The following LMNB2 variants were observed in gnomAD, a reference collection of about 807,000 sequenced individuals.
LMNB2 encodes lamin-B2.
A neutral mutation model predicts 69.3 loss-of-function variants in LMNB2; 17 were observed. The observed-to-expected ratio is 0.25, with a 90% CI of 0.17 to 0.37. The LOEUF (loss-of-function observed/expected upper bound fraction) is 0.37. LMNB2 is among the 10% of genes least tolerant of loss of function. The probability of loss-of-function intolerance (pLI) is 1.00; values close to 1 mark genes in which losing one functional copy is unlikely to be tolerated. For missense variants in LMNB2, 789 were observed against 883.6 expected, an observed-to-expected ratio of 0.89 and a Z score of 1.36; for synonymous variants, 397 against 389.3, an observed-to-expected ratio of 1.02 and a Z score of -0.23.
intron 1 of LMNB2, among the ~76,000 whole-genome samples, chr19:2,449,804 C>T (rs528114372): frequency 6.7e-5 from 10 of 148,482 alleles, no homozygotes; most frequent in East Asian, 4.0e-4. Context: ...GTCTGGGCGC[C>T]GTGGCTCACG....
rs746360666 is a variant in LMNB2, at chr19:2,433,943, G to C, written c.1365C>G (p.Gly455=). 1.2e-6 allele frequency: 2 copies of C among 1,612,180 alleles called. No homozygotes were observed. The highest frequency in any genetic ancestry group is 1.7e-6 in the Non-Finnish European group (2 of 1,179,792). Residue 455 remains glycine, a synonymous_variant, in exon 8 of 12, where the codon GGC becomes GGG. Coordinates refer to ENST00000325327, the MANE Select transcript of LMNB2 (RefSeq NM_032737.4). ...GGTGGAAGCCACCGCTGCCACCCGTGCCCGTGCCCAGGACGCTTGGGCCGC... is the reference window on the plus strand; with the variant it reads ...GGTGGAAGCCACCGCTGCCACCCGTCCCCGTGCCCAGGACGCTTGGGCCGC... ...LGSGPSVLGT[G]TGGSGGFHLA...
At chr19:2,452,551 T>C (rs7254407) in intron 1 of LMNB2, among the ~76,000 whole-genome samples, 56,432 of 150,906 alleles carry the variant, frequency 0.37, 11,420 homozygotes, top group African/African-American at 0.55. Context: ...CATGGTGAAA[T>C]CCCATCTCTA....
In LMNB2 at chr19:2,453,899, C is replaced by T. The variant is rs1255417878; in HGVS notation, c.264+2771G>A. Among the ~76,000 whole-genome samples the T allele has an allele frequency of 1.3e-5, 2 of 152,198 alleles. No individual in the cohort carries two copies. The highest frequency in any genetic ancestry group is 1.3e-4 in the Admixed American group (2 of 15,280). ...GCTCTAACCCTGCACGCCACGGGTC[C>T]AGCAGGCGGCCTCTAAGTTGGGACA... On this transcript the variant is annotated intron_variant, in intron 1 of 11. Coordinates refer to ENST00000325327, the MANE Select transcript of LMNB2 (RefSeq NM_032737.4). This position sits in a 1 kb window ranked among gnomAD's most constrained non-coding sequence, Gnocchi z 4.4.
rs768946106 is a variant in LMNB2, at chr19:2,430,544, A to C, written c.*367T>G. ...ACCCACCACCACTGAATTCCTACGC[A>C]GTTTCCGCGCTCCGTCCGCAGCAGG... is the stretch of plus-strand genomic sequence containing the variant. On this transcript the variant is annotated 3_prime_UTR_variant, in exon 12 of 12. Transcript: ENST00000325327. 2.7e-5 allele frequency: 10 copies of C among 365,308 alleles called. No homozygotes were observed. Among genetic ancestry groups the C allele is most frequent in the Non-Finnish European group, 4.2e-5 (8 of 190,472 alleles). The allele number at this position is 365,308 out of a possible 1,614,324, so 22.6% of individuals were successfully genotyped here. A position where few individuals can be genotyped will look rare whatever the true frequency, so the allele number is the denominator to read the frequency against.
rs767874661 is a variant in LMNB2, at chr19:2,434,275, A to G, written c.1202+20T>C. 7 of 1,610,494 alleles carry G rather than the reference A, an allele frequency of 4.3e-6. No individual in the cohort carries two copies. Among genetic ancestry groups the G allele is most frequent in the Non-Finnish European group, 5.9e-6 (7 of 1,179,086 alleles). ...CCCTCCTCCTCACTCTGTGCTCCCAAGCCTCCTGGCCTGCCGCACCTCTCC... is the reference window on the plus strand; with the variant it reads ...CCCTCCTCCTCACTCTGTGCTCCCAGGCCTCCTGGCCTGCCGCACCTCTCC... On this transcript the variant is annotated intron_variant, in intron 7 of 11. Coordinates refer to ENST00000325327, the MANE Select transcript of LMNB2 (RefSeq NM_032737.4).
intron 2 of LMNB2, among the ~76,000 whole-genome samples, chr19:2,441,675 G>A (rs918169934): frequency 9.9e-5 from 15 of 152,262 alleles, no homozygotes; most frequent in African/African-American, 3.4e-4. Context: ...ACTGCGGGAC[G>A]TCCTTGCGGA....
chr19:2,442,746 G>A (rs1283368057), intron 2 of LMNB2, among the ~76,000 whole-genome samples: 1 of 152,090 alleles, frequency 6.6e-6, no homozygotes, highest in Non-Finnish European at 1.5e-5. Flanking sequence ...CTGTCTTAAT[G>A]AAAAGGAAAA....
intron 2 of LMNB2, 27 bp from the exon 3 acceptor site, chr19:2,438,558 G>A (rs1971855939): frequency 6.2e-7 from 1 of 1,603,294 alleles, no homozygotes; most frequent in Non-Finnish European, 8.5e-7. Flanking sequence ...CAAGTGAGTG[G>A]GGAGGGGCAA....
At chr19:2,452,435 A>G (rs544394983) in intron 1 of LMNB2, among the ~76,000 whole-genome samples, 132 of 137,568 alleles carry the variant, frequency 9.6e-4, no homozygotes, top group African/African-American at 3.8e-3. Flanking sequence ...CTCTGTCTAG[A>G]AAAAAAAAAA....
rs764839650 is a variant in LMNB2, at chr19:2,434,839, G to A, written c.930C>T (p.Ala310=). Residue 310 remains alanine, a synonymous_variant, in exon 6 of 12, where the codon GCC becomes GCT. Transcript: ENST00000325327. ...AGCTGAGGGACTCCAGGCGCATGCG[G>A]GCCTCCTTCAGCTCCTCGCGAGCCG... ...ASAAREELKE[A]RMRLESLSYQ... is the part of the protein sequence containing the mutation. 1 of 1,608,990 alleles carries A rather than the reference G, an allele frequency of 6.2e-7. No individual in the cohort carries two copies. The highest frequency in any genetic ancestry group is 8.5e-7 in the Non-Finnish European group (1 of 1,179,300).
chr19:2,456,829 C>G lies in LMNB2; in HGVS notation c.105G>C (p.Pro35=). ...GCCGCGACAGGCGCGTGGGCGACAG[C>G]GGCGTGGCGGGCCCGCCCGCGCGGC... ...LPGRAGGPAT[P]LSPTRLSRLQ... Residue 35 remains proline (P), a synonymous_variant, in exon 1 of 12, where the codon CCG becomes CCC. Transcript: ENST00000325327. 2.1e-6 allele frequency: 3 copies of G among 1,400,508 alleles called. No homozygotes were observed. The highest frequency in any genetic ancestry group is 2.8e-6 in the Non-Finnish European group (3 of 1,065,002). The allele number at this position is 1,400,508 out of a possible 1,614,324, so 86.8% of individuals were successfully genotyped here.
rs765785713 is a variant in LMNB2, at chr19:2,433,958, G to A, written c.1350C>T (p.Ser450=). Reference sequence around the variant, plus strand: ...TGCCACCCGTGCCCGTGCCCAGGACGCTTGGGCCGCTGCCCAAGGGCTCCT... The same window carrying A: ...TGCCACCCGTGCCCGTGCCCAGGACACTTGGGCCGCTGCCCAAGGGCTCCT... ...EVEEPLGSGP[S]VLGTGTGGSG... Residue 450 remains serine, a synonymous_variant, in exon 8 of 12, where the codon AGC becomes AGT. Transcript: ENST00000325327. 9.3e-6 allele frequency: 15 copies of A among 1,611,352 alleles called. No homozygotes were observed. Among genetic ancestry groups the A allele is most frequent in the Admixed American group, 5.0e-5 (3 of 59,980 alleles).
chr19:2,440,247 A>G lies in LMNB2; in HGVS notation c.402-1716T>C, dbSNP rs1971881745. On this transcript the variant is annotated intron_variant, in intron 2 of 11. Transcript: ENST00000325327. ...CTCTTGTTGCCCAGGCTGGAGTGCA[A>G]TGGTGCGATCTCGGTTCACTGCAAC... Among the ~76,000 whole-genome samples the G allele has an allele frequency of 2.7e-5, 4 of 150,514 alleles. No individual in the cohort carries two copies. The South Asian group carries it at 8.4e-4, about 32-fold the overall frequency.
At chr19:2,450,821 G>A (rs1253977052) in intron 1 of LMNB2, among the ~76,000 whole-genome samples, 7 of 151,146 alleles carry the variant, frequency 4.6e-5, no homozygotes, top group African/African-American at 1.5e-4. Context: ...TAGTAGAGAC[G>A]GGGCTTCACC....
chr19:2,430,907 G>T lies in LMNB2; in HGVS notation c.*4C>A. ...AGAAAGGTGTGTGGATGAGGAGTGT[G>T]GGTTCACATCACGTAGCAGCCTCTT... On this transcript the variant is annotated 3_prime_UTR_variant, in exon 12 of 12. Coordinates refer to ENST00000325327, the MANE Select transcript of LMNB2 (RefSeq NM_032737.4). 2 of 1,578,134 alleles carry T rather than the reference G, an allele frequency of 1.3e-6. No individual in the cohort carries two copies. The highest frequency in any genetic ancestry group is 1.1e-5 in the South Asian group (1 of 90,338).
In LMNB2 at chr19:2,429,485, C is replaced by G. The variant is rs1036912503; in HGVS notation, c.*1426G>C. ...GCTTTGTCGGCCGCTGGCTCCTTCC[C>G]GGCCTGGGGCTGGGGCCCCCCATTC... On this transcript the variant is annotated 3_prime_UTR_variant, in exon 12 of 12. Coordinates refer to ENST00000325327, the MANE Select transcript of LMNB2 (RefSeq NM_032737.4). 4 of 152,218 alleles carry G rather than the reference C, an allele frequency of 2.6e-5. No individual in the cohort carries two copies. The highest frequency in any genetic ancestry group is 2.1e-4 in the South Asian group (1 of 4,836). 9.4% of individuals were successfully genotyped at this position (152,218 alleles called of 1,614,324 possible).
At chr19:2,437,812 G>T (rs1971845976) in intron 4 of LMNB2, among the ~76,000 whole-genome samples, 1 of 103,988 alleles carries the variant, frequency 9.6e-6, no homozygotes, top group South Asian at 3.0e-4. Flanking sequence ...AAAAAGACGT[G>T]CCCACATCCC....
At position 2,455,239 on chromosome 19, in the gene LMNB2, C is replaced by T. The variant is rs368782718; in HGVS notation, c.264+1431G>A. Among the ~76,000 whole-genome samples, 6 of 152,148 alleles carry T rather than the reference C, an allele frequency of 3.9e-5. No homozygotes were observed. The South Asian group carries it at 8.3e-4, about 21-fold the overall frequency. ...AAAGCTCCAGGGAGAACTGAGACCA[C>T]GTGACTCACCCCAGAGACTCCAGGG... On this transcript the variant is annotated intron_variant, in intron 1 of 11. Coordinates refer to ENST00000325327, the MANE Select transcript of LMNB2 (RefSeq NM_032737.4).
chr19:2,444,600 CAG>C (rs1313008394), intron 1 of LMNB2, 60 bp from the exon 2 acceptor site: 1 of 1,595,770 alleles, frequency 6.3e-7, no homozygotes, highest in Non-Finnish European at 8.5e-7. Flanking sequence ...CTACAGCAGT[CAG>C]GGGGCCCGGC....
Sources: gnomAD v4.1 joint callset for allele counts (sites outside exome capture counted in the v4.1 genomes callset) on GRCh38, gnomAD v4.1.1 for gene constraint, Gnocchi (gnomAD v3.1) non-coding constraint, MANE v1.5 for transcripts, NCBI Gene and HGNC (gene_info 2026-07-23, HGNC 2026-07-21) for gene names.